Variants in PWP1 observed in about 807,000 individuals in gnomAD.
PWP1 encodes the protein PWP1 homolog, endonuclein, also known as periodic tryptophan protein 1 homolog.
In PWP1, 47 loss-of-function variants were observed where a neutral mutation model predicts 69.9. The ratio of observed to expected loss-of-function variants is 0.67; its 90% CI spans 0.53 to 0.86. The LOEUF (loss-of-function observed/expected upper bound fraction) is 0.86. Ranked by LOEUF, PWP1 falls within the 40% of genes least tolerant of loss-of-function variation. The pLI is 0.00. For missense variants in PWP1, 551 were observed against 608.8 expected, an observed-to-expected ratio of 0.91 and a Z score of 1.00; for synonymous variants, 222 against 208.2, an observed-to-expected ratio of 1.07 and a Z score of -0.57.
chr12:107,699,986 T>C (rs1044380239), intron 8 of PWP1, among the ~76,000 whole-genome samples: 1 of 151,954 alleles, frequency 6.6e-6, no homozygotes, highest in African/African-American at 2.4e-5. Flanking sequence ...AGCAAAGTCA[T>C]GTCTTATATA....
In PWP1 at chr12:107,701,551, G is replaced by T. The variant is rs899862516; in HGVS notation, c.807-1384G>T. On this transcript the variant is annotated intron_variant, in intron 8 of 14. Coordinates refer to ENST00000412830, the MANE Select transcript of PWP1 (RefSeq NM_007062.3). ...AAGGTTTACATGTATGTTTTCTTCT[G>T]AGTTTTATAGTATTAGCTCTTACAT... Among the ~76,000 whole-genome samples, 5 of 152,072 alleles carry T rather than the reference G, an allele frequency of 3.3e-5. No individual in the cohort carries two copies. The East Asian group carries it at 5.8e-4, about 18-fold the overall frequency.
At chr12:107,708,128 G>A (rs1292309725) in intron 11 of PWP1, among the ~76,000 whole-genome samples, 2 of 152,026 alleles carry the variant, frequency 1.3e-5, no homozygotes, top group African/African-American at 2.4e-5. Context: ...GTTGTACTTC[G>A]GCTCTCACTC....
At chr12:107,708,009 A>G (rs1020474105) in intron 11 of PWP1, among the ~76,000 whole-genome samples, 3 of 152,168 alleles carry the variant, frequency 2.0e-5, no homozygotes, top group Admixed American at 1.3e-4. Context: ...ATTCTGAGAT[A>G]CTTAATCTCA....
In PWP1 at chr12:107,699,432, C is replaced by G. The variant is rs1327746933; in HGVS notation, c.804C>G (p.Ile268Met). Reference protein sequence around the residue: ...AVLDLSWNKLIRNVLASASAD... With the variant: ...AVLDLSWNKLMRNVLASASAD... ...TTGACCTTTCATGGAATAAGCTAATCAGGTAAAAAGAAATAACATTTGAAT... is the reference window on the plus strand; with the variant it reads ...TTGACCTTTCATGGAATAAGCTAATGAGGTAAAAAGAAATAACATTTGAAT... Residue 268 changes from isoleucine (I) to methionine (M), a missense_variant and splice_region_variant, in exon 8 of 15, where the codon ATC becomes ATG. By Grantham distance (10) the Ile-to-Met change is conservative (BLOSUM62 1). Transcript: ENST00000412830. 4 of 1,610,124 alleles carry G rather than the reference C, an allele frequency of 2.5e-6. No individual in the cohort carries two copies. The highest frequency in any genetic ancestry group is 1.1e-5 in the South Asian group (1 of 90,932).
In PWP1 at chr12:107,685,826, G is replaced by A. The variant is rs962969997; in HGVS notation, c.-74G>A. ...CGGCCCTGTGCAGATCCCTGAGCGT[G>A]TGGCAGCAGTGCGGTCGTGGTCCCT... On this transcript the variant is annotated 5_prime_UTR_variant, in exon 1 of 15. It adds an upstream start codon to the 5' untranslated region. Transcript: ENST00000412830. 1 of 1,512,048 alleles carries A rather than the reference G, an allele frequency of 6.6e-7. No individual in the cohort carries two copies. The highest frequency in any genetic ancestry group is 1.4e-5 in the African/African-American group (1 of 72,890). The allele number at this position is 1,512,048 out of a possible 1,614,324, so 93.7% of individuals were successfully genotyped here.
chr12:107,696,441 A>T, intron 5 of PWP1, 33 bp from the exon 6 acceptor site: 1 of 1,605,374 alleles, frequency 6.2e-7, no homozygotes, highest in Non-Finnish European at 8.5e-7. Flanking sequence ...ACTCATTCTG[A>T]TACATTAAAG....
chr12:107,704,584 CAT>C (rs1889775133), intron 10 of PWP1, 50 bp from the exon 11 acceptor site: 1 of 1,203,604 alleles, frequency 8.3e-7, no homozygotes, highest in South Asian at 1.3e-5. Flanking sequence ...ATAAATAAAA[CAT>C]ATAGGAGAAT....
At chr12:107,695,251 G>A (rs1416466036) in intron 5 of PWP1, among the ~76,000 whole-genome samples, 1 of 151,406 alleles carries the variant, frequency 6.6e-6, no homozygotes, top group African/African-American at 2.4e-5. Flanking sequence ...GGGCGACAGA[G>A]CAAGACTCCA....
chr12:107,699,167 G>A (rs1277521913), intron 7 of PWP1, among the ~76,000 whole-genome samples: 1 of 152,192 alleles, frequency 6.6e-6, no homozygotes, highest in Non-Finnish European at 1.5e-5. Context: ...GCTGAGGCAG[G>A]AGAATCGCTT....
chr12:107,709,907 T>C (rs184516353), intron 13 of PWP1, among the ~76,000 whole-genome samples: 1 of 152,308 alleles, frequency 6.6e-6, no homozygotes, highest in Admixed American at 6.5e-5. Flanking sequence ...CTCTAGTAGA[T>C]TATATCCCAG....
rs1444050995 is a variant in PWP1, at chr12:107,712,219, A to G, written c.1505A>G (p.Ter502=). 9 of 1,607,222 alleles carry G rather than the reference A, an allele frequency of 5.6e-6. No homozygotes were observed. Among genetic ancestry groups the G allele is most frequent in the Non-Finnish European group, 7.7e-6 (9 of 1,174,740 alleles). ...AGCTCAGATACACCCATGGAGTCTT[A>G]ATGAAGATCATCTAATTTCCTGCTT... ...SRSSDTPMES[*] The change falls in exon 15 of 15, where the codon TAA becomes TGA. Residue 502 remains the stop codon, a stop_retained_variant. Transcript: ENST00000412830.
chr12:107,702,904 G>A, intron 8 of PWP1, 31 bp from the exon 9 acceptor site: 1 of 1,389,108 alleles, frequency 7.2e-7, no homozygotes, highest in Non-Finnish European at 1.0e-6. Flanking sequence ...ACTTTTAAAA[G>A]ATTACCTGAT....
chr12:107,688,944 A>T (rs1889429020), intron 3 of PWP1, 142 bp downstream of exon 3: 1 of 838,928 alleles, frequency 1.2e-6, no homozygotes, highest in Non-Finnish European at 1.8e-6. Context: ...GGCAGACAGC[A>T]TGATTCCTAA....
intron 5 of PWP1, among the ~76,000 whole-genome samples, chr12:107,694,184 C>T (rs751968290): frequency 7.2e-5 from 11 of 152,156 alleles, no homozygotes; most frequent in East Asian, 1.9e-4. Context: ...CAATGTCTGG[C>T]GCACTCTGCC....
At position 107,712,222 on chromosome 12, in the gene PWP1, G is replaced by A; in HGVS notation, c.*2G>A. ...TCAGATACACCCATGGAGTCTTAATGAAGATCATCTAATTTCCTGCTTACC... is the reference window on the plus strand; with the variant it reads ...TCAGATACACCCATGGAGTCTTAATAAAGATCATCTAATTTCCTGCTTACC... On this transcript the variant is annotated 3_prime_UTR_variant, in exon 15 of 15. Transcript: ENST00000412830. The A allele has an allele frequency of 6.2e-7, 1 of 1,606,132 alleles. No individual in the cohort carries two copies. Among genetic ancestry groups the A allele is most frequent in the Non-Finnish European group, 8.5e-7 (1 of 1,173,492 alleles).
chr12:107,703,385 G>A (rs1485695848), intron 9 of PWP1, among the ~76,000 whole-genome samples: 2 of 152,192 alleles, frequency 1.3e-5, no homozygotes, highest in Non-Finnish European at 2.9e-5. Flanking sequence ...TCTGGAGCAT[G>A]GGGAATTCAC....
chr12:107,708,410 C>G (rs1054632946), intron 11 of PWP1, among the ~76,000 whole-genome samples: 1 of 152,048 alleles, frequency 6.6e-6, no homozygotes, highest in Non-Finnish European at 1.5e-5. Flanking sequence ...CTGTATCTGT[C>G]TCTTAATTCC....
At chr12:107,686,826 T>C (rs1180157271) in intron 1 of PWP1, among the ~76,000 whole-genome samples, 3 of 150,870 alleles carry the variant, frequency 2.0e-5, no homozygotes, top group African/African-American at 7.3e-5. Context: ...ATTAGCCGGG[T>C]GTGGTGGTGG....
In PWP1 at chr12:107,697,670, G is replaced by A. The variant is rs991600691; in HGVS notation, c.744+73G>A. ...ACTCGGGAGTAGGGGTGAAGGGTAA[G>A]ACCGTACACTTTTTCAATCAGGTAT... is the stretch of plus-strand genomic sequence containing the variant. On this transcript the variant is annotated intron_variant, in intron 7 of 14. Transcript: ENST00000412830. The A allele has an allele frequency of 2.8e-6, 4 of 1,405,870 alleles. No homozygotes were observed. In the African/African-American group the frequency reaches 4.3e-5, roughly 15 times the overall value. 87.1% of individuals were successfully genotyped at this position (1,405,870 alleles called of 1,614,324 possible). A position where few individuals can be genotyped will look rare whatever the true frequency, so the allele number is the denominator to read the frequency against.
Sources: allele counts gnomAD v4.1 joint callset (sites outside exome capture counted in the v4.1 genomes callset), GRCh38; gene constraint gnomAD v4.1.1; transcripts MANE v1.5; gene names NCBI Gene and HGNC (gene_info 2026-07-23, HGNC 2026-07-21).